Variants in SOX13 observed in about 807,000 individuals in gnomAD.
SOX13 encodes SRY-box transcription factor 13, also known as transcription factor SOX-13.
Under a neutral mutation model 71.8 loss-of-function variants are expected in SOX13, and 28 were observed. That is an observed-to-expected ratio of 0.39 (90% CI 0.29 to 0.53). SOX13 has a LOEUF of 0.53. Ranked by LOEUF, SOX13 falls within the 20% of genes least tolerant of loss-of-function variation. The probability of loss-of-function intolerance (pLI) is 0.70; values close to 1 mark genes in which losing one functional copy is unlikely to be tolerated. For synonymous variants in SOX13, 309 were observed against 317.8 expected (o/e 0.97, Z 0.29); for missense variants, 627 against 810.3 (o/e 0.77, Z 2.75).
rs191743243 is a variant in SOX13, at chr1:204,117,674, G to A, written c.742G>A (p.Ala248Thr). The A allele has an allele frequency of 3.8e-5, 61 of 1,613,640 alleles. 1 individual carries two copies. In the Admixed American group the frequency reaches 9.5e-4, roughly 25 times the overall value. ...GCCTGTCACCCCTGACTCCCAGCTGGCCTTACCCATTCAGCCCATTCCCTG... is the reference window on the plus strand; with the variant it reads ...GCCTGTCACCCCTGACTCCCAGCTGACCTTACCCATTCAGCCCATTCCCTG... ...PLPVTPDSQL[A>T]LPIQPIPCKP... is the part of the protein sequence containing the mutation. The change falls in exon 7 of 14, where the codon GCC becomes ACC. Residue 248 changes from alanine to threonine, a missense_variant. By Grantham distance (58) the Ala-to-Thr change is moderately conservative (BLOSUM62 0). This residue lies in a region of SOX13 where 447 missense variants were observed against 532.2 expected (regional missense o/e 0.84). Transcript: ENST00000367204.
At chr1:204,122,473 C>A in intron 9 of SOX13, 74 bp downstream of exon 9, 1 of 1,227,862 alleles carries the variant, frequency 8.1e-7, no homozygotes, top group Non-Finnish European at 1.1e-6. Flanking sequence ...CGACCTTGAG[C>A]AGGTCCCTTC....
At chr1:204,110,351 A>T (rs1396118171) in intron 1 of SOX13, among the ~76,000 whole-genome samples, 1 of 144,316 alleles carries the variant, frequency 6.9e-6, no homozygotes, top group African/African-American at 2.5e-5. Flanking sequence ...CTAATGGGCA[A>T]CATAGCAAGA....
Position 204,109,205 on chromosome 1 carries a change from T to C in SOX13, c.-1-3710T>C, listed in dbSNP as rs1224116901. ...ACTTATGGTCATGGAGGCCCCTCTC[T>C]GCAGTGCCCTGTCTTGGGACCCAGC... is the stretch of plus-strand genomic sequence containing the variant. On this transcript the variant is annotated intron_variant, in intron 1 of 13. Coordinates refer to ENST00000367204, the MANE Select transcript of SOX13 (RefSeq NM_005686.3). 2.6e-5 allele frequency among the ~76,000 whole-genome samples: 4 copies of C among 152,332 alleles called. No homozygotes were observed. The East Asian group carries it at 7.7e-4, about 29-fold the overall frequency.
At chr1:204,125,657 G>A (rs1656904251) in intron 13 of SOX13, among the ~76,000 whole-genome samples, 2 of 152,194 alleles carry the variant, frequency 1.3e-5, no homozygotes, top group Admixed American at 1.3e-4. Context: ...CACATCTATG[G>A]CCCTAGGTCT....
chr1:204,084,534 A>T (rs1253391797), intron 1 of SOX13, among the ~76,000 whole-genome samples: 1 of 151,982 alleles, frequency 6.6e-6, no homozygotes, highest in East Asian at 1.9e-4. Context: ...CCATGCTGGG[A>T]GCAGGCTGGG....
intron 12 of SOX13, among the ~76,000 whole-genome samples, chr1:204,124,267 A>C (rs374252650): frequency 2.0e-5 from 3 of 152,122 alleles, no homozygotes; most frequent in East Asian, 3.8e-4. Context: ...TCAGCGCAGG[A>C]CTCTGTCAAC....
chr1:204,075,985 T>C (rs1655778706), intron 1 of SOX13, among the ~76,000 whole-genome samples: 1 of 152,190 alleles, frequency 6.6e-6, no homozygotes, highest in Admixed American at 6.5e-5. Context: ...TCTTGTACTC[T>C]CTCCCACCCT....
rs527696972 is a variant in SOX13 at position 204,126,010 on chromosome 1, A to G, written c.1745A>G (p.Glu582Gly). Reference protein sequence around the residue: ...PVIVNTCSLREEGEGTDDRHS... With the variant: ...PVIVNTCSLRGEGEGTDDRHS... ...ATCGTCAACACCTGCAGCCTCAGAG[A>G]GGAGGGTGAGGGCACAGATGACAGG... Residue 582 changes from glutamate to glycine, a missense_variant, in exon 14 of 14, where the codon GAG (glutamate) becomes GGG (glycine). Glu to Gly is a moderately conservative substitution (Grantham distance 98, BLOSUM62 -2). Transcript: ENST00000367204. 17 of 1,613,896 alleles carry G rather than the reference A, an allele frequency of 1.1e-5. No individual in the cohort carries two copies. In the East Asian group the frequency reaches 2.2e-4, roughly 21 times the overall value.
At chr1:204,082,542 G>A (rs926166550) in intron 1 of SOX13, among the ~76,000 whole-genome samples, 3 of 150,552 alleles carry the variant, frequency 2.0e-5, no homozygotes, top group Admixed American at 1.3e-4. Context: ...CTTTGTTTCC[G>A]GGGCAGTCAT....
rs747152599 is a variant in SOX13 at position 204,113,117 on chromosome 1, A to T, written c.202A>T (p.Asn68Tyr). The change falls in exon 2 of 14, where the codon AAT becomes TAT. Residue 68 changes from asparagine (N) to tyrosine (Y), a missense_variant. Physicochemically the swap from Asn to Tyr is moderately radical, Grantham distance 143. Coordinates refer to ENST00000367204, the MANE Select transcript of SOX13 (RefSeq NM_005686.3). The stretch of plus-strand genomic sequence containing the variant: ...TGACCCCCAAGCTCCAGCCCAGGGG[A>T]ATTTCAGGGGCTCCTGGGTCAGTGT... ...SADPQAPAQG[N>Y]FRGSWDCSSP... 2 of 1,561,366 alleles carry T rather than the reference A, an allele frequency of 1.3e-6. No individual in the cohort carries two copies. The highest frequency in any genetic ancestry group is 1.7e-6 in the Non-Finnish European group (2 of 1,153,610).
At chr1:204,074,937 C>G (rs1248673200) in intron 1 of SOX13, among the ~76,000 whole-genome samples, 1 of 152,176 alleles carries the variant, frequency 6.6e-6, no homozygotes, top group African/African-American at 2.4e-5. Context: ...CAGGACGCCT[C>G]GGCGCTGGCG....
At chr1:204,086,865 C>G (rs918476826) in intron 1 of SOX13, among the ~76,000 whole-genome samples, 1 of 151,818 alleles carries the variant, frequency 6.6e-6, no homozygotes, top group Non-Finnish European at 1.5e-5. Context: ...GGCTCATGTC[C>G]GAAGCCTGTC....
At chr1:204,125,331 G>A (rs1448713263) in intron 13 of SOX13, among the ~76,000 whole-genome samples, 1 of 152,192 alleles carries the variant, frequency 6.6e-6, no homozygotes, top group Non-Finnish European at 1.5e-5. Flanking sequence ...TTGGGAGGCT[G>A]AGGCAGGAGG....
intron 1 of SOX13, among the ~76,000 whole-genome samples, chr1:204,079,935 G>C (rs751406550): frequency 6.6e-6 from 1 of 152,186 alleles, no homozygotes; most frequent in African/African-American, 2.4e-5. Flanking sequence ...AGGATGTGCT[G>C]TGTGTGTGGC....
intron 1 of SOX13, among the ~76,000 whole-genome samples, chr1:204,087,811 G>C (rs1409142727): frequency 6.6e-6 from 1 of 152,234 alleles, no homozygotes; most frequent in Non-Finnish European, 1.5e-5. Context: ...CTTCTGTGAG[G>C]CTTGTCTCGG....
chr1:204,083,284 C>T (rs537619002), intron 1 of SOX13, among the ~76,000 whole-genome samples: 2 of 152,232 alleles, frequency 1.3e-5, no homozygotes, highest in African/African-American at 4.8e-5. Flanking sequence ...TAAGGAGCCT[C>T]CTGATTCCTG....
intron 1 of SOX13, among the ~76,000 whole-genome samples, chr1:204,091,498 T>C (rs1198372696): frequency 6.6e-6 from 1 of 152,188 alleles, no homozygotes; most frequent in African/African-American, 2.4e-5. Flanking sequence ...TGAAAGGCAC[T>C]GGGCAAGGCT....
At chr1:204,116,265 T>A in intron 4 of SOX13, 1 of 1,473,162 alleles carries the variant, frequency 6.8e-7, no homozygotes, top group South Asian at 1.2e-5. Flanking sequence ...GTCAGCATTT[T>A]CAGGGGGCCT....
At chr1:204,114,186 G>A in intron 2 of SOX13, 135 bp from the exon 3 acceptor site, 2 of 608,262 alleles carry the variant, frequency 3.3e-6, no homozygotes, top group South Asian at 4.1e-5. Flanking sequence ...AGGCCAAAGG[G>A]ACCTAGTGAG....
Sources: gnomAD v4.1 joint callset for allele counts (sites outside exome capture counted in the v4.1 genomes callset) on GRCh38, gnomAD v4.1.1 for gene constraint, gnomAD v4.1.1 regional missense constraint, MANE v1.5 for transcripts, NCBI Gene and HGNC (gene_info 2026-07-23, HGNC 2026-07-21) for gene names.